The following CACNG8 variants were observed in gnomAD, a reference collection of about 807,000 sequenced individuals.
The protein encoded by CACNG8 is calcium voltage-gated channel auxiliary subunit gamma 8.
A neutral mutation model predicts 26.9 loss-of-function variants in CACNG8; 5 were observed. That is an observed-to-expected ratio of 0.19 (90% CI 0.10 to 0.39). CACNG8 has a LOEUF of 0.39. Ranked by LOEUF, CACNG8 falls within the 10% of genes least tolerant of loss-of-function variation. The pLI is 1.00. For synonymous variants in CACNG8, 321 were observed against 296.7 expected (o/e 1.08, Z -0.84); for missense variants, 473 against 609.4 (o/e 0.78, Z 2.36).
chr19:53,964,870 C>T (rs1032492616), intron 1 of CACNG8, among the ~76,000 whole-genome samples: 5 of 152,218 alleles, frequency 3.3e-5, no homozygotes, highest in African/African-American at 7.2e-5. Context: ...TTGTCTGCAA[C>T]GTGAAGGAGT....
At chr19:53,975,579 C>A (rs1039997485) in intron 1 of CACNG8, among the ~76,000 whole-genome samples, 1 of 151,894 alleles carries the variant, frequency 6.6e-6, no homozygotes, top group Non-Finnish European at 1.5e-5. Context: ...GGGGTTTTAC[C>A]ATGTTGGCCA....
At chr19:53,978,062 AG>A (rs1296499114) in intron 1 of CACNG8, 83 bp from the exon 2 acceptor site, 1 of 896,032 alleles carries the variant, frequency 1.1e-6, no homozygotes, top group Non-Finnish European at 1.8e-6. Context: ...GGTTTGGGGA[AG>A]GGAAGGGTCG....
Position 53,982,589 on chromosome 19 carries a change from G to A in CACNG8, c.1018G>A (p.Ala340Thr). ...CGCCGTGGGGGCGTTCGGCGGCGCG[G>A]CCGGGGGCGCCGGGGGCGGCGGCGG... The change falls in exon 4 of 4, where the codon GCC (alanine) becomes ACC (threonine). Residue 340 changes from alanine to threonine, a missense_variant. Physicochemically the swap from Ala to Thr is moderately conservative, Grantham distance 58 (BLOSUM62 0). Transcript: ENST00000270458. The surrounding 1 kb of genome is among the most constrained non-coding windows in gnomAD (Gnocchi z 8.4). 1.0e-6 allele frequency: 1 copy of A among 954,032 alleles called. No homozygotes were observed. Among genetic ancestry groups the A allele is most frequent in the African/African-American group, 1.8e-5 (1 of 56,124 alleles). 59.1% of individuals were successfully genotyped at this position (954,032 alleles called of 1,614,324 possible). A position where few individuals can be genotyped will look rare whatever the true frequency, so the allele number is the denominator to read the frequency against.
Position 53,963,367 on chromosome 19 carries a change from G to T in CACNG8, c.225G>T (p.Glu75Asp). 1 of 1,589,074 alleles carries T rather than the reference G, an allele frequency of 6.3e-7. No individual in the cohort carries two copies. Among genetic ancestry groups the T allele is most frequent in the Non-Finnish European group, 8.5e-7 (1 of 1,174,214 alleles). Residue 75 changes from glutamate (E) to aspartate (D), a missense_variant, in exon 1 of 4, where the codon GAG becomes GAT. Around this residue, in one of 6 missense-constraint regions of CACNG8, gnomAD observed 69 missense variants for 66.7 expected, o/e 1.03. Transcript: ENST00000270458. ...ACCGCGGGGGCGGCGGCGCCTCGGA[G>T]AAGAAGGACCCCGGCGGCCTCACGC...
chr19:53,976,287 G>T (rs184980165), intron 1 of CACNG8, among the ~76,000 whole-genome samples: 1 of 152,368 alleles, frequency 6.6e-6, no homozygotes, highest in East Asian at 1.9e-4. Flanking sequence ...CCAGGAGGTG[G>T]AGGTTGCAGT....
At chr19:53,968,705 T>C (rs1317218649) in intron 1 of CACNG8, among the ~76,000 whole-genome samples, 1 of 144,580 alleles carries the variant, frequency 6.9e-6, no homozygotes, top group African/African-American at 2.6e-5. Flanking sequence ...GAGGTGGAGG[T>C]TTGCAGTGAG....
intron 1 of CACNG8, among the ~76,000 whole-genome samples, chr19:53,967,841 AC>A (rs1334371095): frequency 6.6e-6 from 1 of 151,896 alleles, no homozygotes; most frequent in Non-Finnish European, 1.5e-5. Context: ...AGAAAAAAAA[AC>A]TTTTTTTTTT....
intron 1 of CACNG8, among the ~76,000 whole-genome samples, chr19:53,964,771 G>A (rs2145931866): frequency 6.6e-6 from 1 of 152,194 alleles, no homozygotes; most frequent in African/African-American, 2.4e-5. Context: ...GCGGGGCTGG[G>A]AAGCAGGAGT....
chr19:53,981,929 C>G (rs1197380856), intron 3 of CACNG8, 151 bp from the exon 4 acceptor site: 4 of 719,650 alleles, frequency 5.6e-6, no homozygotes, highest in Non-Finnish European at 8.1e-6. Flanking sequence ...CAGCCAGATC[C>G]AGGACGGGGG....
chr19:53,976,675 CT>C (rs79576758), intron 1 of CACNG8, among the ~76,000 whole-genome samples: 4,544 of 149,216 alleles, frequency 0.03, 231 homozygotes, highest in African/African-American at 0.11. Context: ...TTCTCTCTCT[CT>C]TTTTTTTTTC....
rs1769603010 is a variant in CACNG8 at position 53,985,631 on chromosome 19, G to A, written c.*2782G>A. 6.6e-6 allele frequency: 1 copy of A among 152,054 alleles called. No individual in the cohort carries two copies. The highest frequency in any genetic ancestry group is 6.6e-5 in the Admixed American group (1 of 15,258). The allele number at this position is 152,054 out of a possible 1,614,324, so 9.4% of individuals were successfully genotyped here. On this transcript the variant is annotated 3_prime_UTR_variant, in exon 4 of 4. Coordinates refer to ENST00000270458, the MANE Select transcript of CACNG8 (RefSeq NM_031895.6). ...ACTGAGGCAGGCAGATTGAGCTCAG[G>A]AGTTCCAGACCAGCCAACATATTGA... is the stretch of plus-strand genomic sequence containing the variant.
chr19:53,982,255 C>A lies in CACNG8; in HGVS notation c.684C>A (p.Ile228=). 3 of 1,612,416 alleles carry A rather than the reference C, an allele frequency of 1.9e-6. No homozygotes were observed. Among genetic ancestry groups the A allele is most frequent in the Non-Finnish European group, 2.5e-6 (3 of 1,179,542 alleles). ...GCGTGCTGGCCGTCAACATCTACAT[C>A]GAGCGCAGCCGCGAGGCGCACTGCC... Residue 228 remains isoleucine, a synonymous_variant, in exon 4 of 4, where the codon ATC becomes ATA. Transcript: ENST00000270458. The surrounding 1 kb of genome is among the most constrained non-coding windows in gnomAD (Gnocchi z 8.4).
At chr19:53,976,616 TATTCATTCATTA>T (rs1204656163) in intron 1 of CACNG8, among the ~76,000 whole-genome samples, 1 of 150,084 alleles carries the variant, frequency 6.7e-6, no homozygotes, top group African/African-American at 2.5e-5. Flanking sequence ...GCTATGCTTA[TATTCATTCATTA>T]ATTCATTCAT....
Position 53,963,097 on chromosome 19 carries a change from G to T in CACNG8, c.-46G>T. 1 of 1,082,836 alleles carries T rather than the reference G, an allele frequency of 9.2e-7. No individual in the cohort carries two copies. 67.1% of individuals were successfully genotyped at this position (1,082,836 alleles called of 1,614,324 possible). On this transcript the variant is annotated 5_prime_UTR_variant, in exon 1 of 4. Transcript: ENST00000270458. ...CAGCCGCCGGCACGGCCCCGCCCCC[G>T]CTGCCCCGGTGGTGGCCCACGGCCC...
intron 2 of CACNG8, 21 bp from the exon 3 acceptor site, chr19:53,979,846 C>A: frequency 5.1e-6 from 8 of 1,582,058 alleles, no homozygotes; most frequent in Non-Finnish European, 6.0e-6. Context: ...CCCTCCTTTT[C>A]CTTTCCTTCC....
In CACNG8 at chr19:53,963,325, C is replaced by T. The variant is rs2145931094; in HGVS notation, c.183C>T (p.Gly61=). The T allele has an allele frequency of 1.2e-6, 2 of 1,602,600 alleles. No homozygotes were observed. Among genetic ancestry groups the T allele is most frequent in the East Asian group, 2.3e-5 (1 of 44,414 alleles). Residue 61 remains glycine (G), a synonymous_variant, in exon 1 of 4, where the codon GGC becomes GGT. Coordinates refer to ENST00000270458, the MANE Select transcript of CACNG8 (RefSeq NM_031895.6). ...ACACCACCAACCTCACGGCCGGCGG[C>T]GACGACGGGACCCCCCACCGCGGGG...
chr19:53,980,088 G>GCT, intron 3 of CACNG8, 81 bp downstream of exon 3: 1 of 1,367,172 alleles, frequency 7.3e-7, no homozygotes. Context: ...GTGTGTGTGC[G>GCT]CGCGCGCGCG....
rs980346642 is a variant in CACNG8, at chr19:53,970,942, AAAAAGAAAAG to A, written c.284-7189_284-7180del. Among the ~76,000 whole-genome samples the A allele has an allele frequency of 3.7e-4, 56 of 150,762 alleles. No homozygotes were observed. The South Asian group carries it at 6.3e-3, about 17-fold the overall frequency. On this transcript the variant is annotated intron_variant, in intron 1 of 3. Coordinates refer to ENST00000270458, the MANE Select transcript of CACNG8 (RefSeq NM_031895.6). ...GCAAGACCCTATCTCAAAAAAAAAA[AAAAAGAAAAG>A]AAAAGAAAAGAAAAAAAGAAATATA...
In CACNG8 at chr19:53,978,226, C is replaced by T. The variant is rs1303457340; in HGVS notation, c.364C>T (p.Leu122Phe). 1 of 1,611,922 alleles carries T rather than the reference C, an allele frequency of 6.2e-7. No homozygotes were observed. The highest frequency in any genetic ancestry group is 2.2e-5 in the East Asian group (1 of 44,868). ...CGACCACGACAGCGCGGAGTATCTA[C>T]TCCGTACGTGGGGGTCCGGGACAGA... Residue 122 changes from leucine (L) to phenylalanine (F), a missense_variant, in exon 2 of 4, where the codon CTC becomes TTC. This residue lies in a region of CACNG8 where 155 missense variants were observed against 253.0 expected (regional missense o/e 0.61). Coordinates refer to ENST00000270458, the MANE Select transcript of CACNG8 (RefSeq NM_031895.6).
Sources: allele counts gnomAD v4.1 joint callset (sites outside exome capture counted in the v4.1 genomes callset), GRCh38; gene constraint gnomAD v4.1.1; regional missense constraint gnomAD v4.1.1; non-coding constraint Gnocchi (gnomAD v3.1); transcripts MANE v1.5; gene names NCBI Gene and HGNC (gene_info 2026-07-23, HGNC 2026-07-21).